RRAGD: variants seen among roughly 807,000 people sequenced by gnomAD.
RRAGD encodes the protein Ras related GTP binding D.
A neutral mutation model predicts 35.5 loss-of-function variants in RRAGD; 12 were observed. That is an observed-to-expected ratio of 0.34 (90% CI 0.22 to 0.55). The LOEUF is 0.55. Among genes scored for constraint, RRAGD ranks in the 20% least tolerant of loss-of-function variants. RRAGD has a pLI of 0.91. For missense variants in RRAGD, 324 were observed against 490.1 expected (o/e 0.66, Z 3.20); for synonymous variants, 155 against 178.9 (o/e 0.87, Z 1.07).
At chr6:89,385,634 G>T (rs1769126021) in intron 2 of RRAGD, among the ~76,000 whole-genome samples, 1 of 152,184 alleles carries the variant, frequency 6.6e-6, no homozygotes, top group African/African-American at 2.4e-5. Flanking sequence ...AGCAGGCCCT[G>T]GACGTGGTGC....
At chr6:89,401,383 G>A (rs1313217836) in intron 1 of RRAGD, among the ~76,000 whole-genome samples, 1 of 151,806 alleles carries the variant, frequency 6.6e-6, no homozygotes, top group Non-Finnish European at 1.5e-5. Flanking sequence ...TCAGTCTCCT[G>A]AGTAGCTAGG....
At chr6:89,409,217 A>G (rs932332502) in intron 1 of RRAGD, among the ~76,000 whole-genome samples, 7 of 152,236 alleles carry the variant, frequency 4.6e-5, no homozygotes, top group South Asian at 2.1e-4. Flanking sequence ...AAATTGCATT[A>G]CATATCCACC....
chr6:89,372,242 C>G (rs12201143), intron 6 of RRAGD, among the ~76,000 whole-genome samples, 195 bp downstream of exon 6: 4,052 of 152,314 alleles, frequency 0.027, 66 homozygotes, highest in Non-Finnish European at 0.04. Flanking sequence ...GAGGGCAGGC[C>G]AGTTCACTGG....
intron 6 of RRAGD, 53 bp from the exon 7 acceptor site, chr6:89,368,260 C>G: frequency 6.4e-7 from 1 of 1,556,696 alleles, no homozygotes; most frequent in Non-Finnish European, 8.7e-7. Flanking sequence ...TAATCTCCAT[C>G]TTTTCATGGG....
At chr6:89,401,252 C>A (rs1299833292) in intron 1 of RRAGD, among the ~76,000 whole-genome samples, 1 of 148,380 alleles carries the variant, frequency 6.7e-6, no homozygotes, top group Non-Finnish European at 1.5e-5. Flanking sequence ...CAGGGGCTTC[C>A]CCACAATATA....
chr6:89,380,209 G>A lies in RRAGD; in HGVS notation c.603C>T (p.Asn201=), dbSNP rs969033595. Residue 201 remains asparagine (N), a synonymous_variant, in exon 3 of 7, where the codon AAC becomes AAT. Transcript: ENST00000369415. The part of the protein sequence containing the change: ...ETQRDIHQRA[N]DDLADAGLEK... ...CTAATCCAGCATCTGCAAGGTCATC[G>A]TTTGCCCTCTGGTGAATATCTCTTT... The A allele has an allele frequency of 6.2e-6, 10 of 1,614,076 alleles. No homozygotes were observed. The highest frequency in any genetic ancestry group is 2.2e-5 in the South Asian group (2 of 91,088).
intron 6 of RRAGD, 71 bp downstream of exon 6, chr6:89,372,366 A>C: frequency 6.7e-7 from 1 of 1,491,586 alleles, no homozygotes; most frequent in Non-Finnish European, 9.0e-7. Flanking sequence ...ACCCACATTC[A>C]ACAAACAATA....
At chr6:89,379,203 A>G (rs969940568) in intron 4 of RRAGD, 21 bp downstream of exon 4, 5 of 1,247,166 alleles carry the variant, frequency 4.0e-6, no homozygotes, top group Non-Finnish European at 5.8e-6. Context: ...AGTGACTCAA[A>G]CAGGAATATT....
At chr6:89,368,904 A>G (rs954615770) in intron 6 of RRAGD, among the ~76,000 whole-genome samples, 1 of 152,220 alleles carries the variant, frequency 6.6e-6, no homozygotes, top group Non-Finnish European at 1.5e-5. Flanking sequence ...ATTTTTCATC[A>G]TTACTAGTAA....
chr6:89,387,264 G>A (rs968466610), intron 2 of RRAGD, 31 bp downstream of exon 2: 1 of 1,597,576 alleles, frequency 6.3e-7, no homozygotes, highest in Non-Finnish European at 8.6e-7. Context: ...GACCGGCCAG[G>A]CCATCATACC....
At chr6:89,395,626 A>G (rs1463710298) in intron 1 of RRAGD, among the ~76,000 whole-genome samples, 1 of 152,244 alleles carries the variant, frequency 6.6e-6, no homozygotes, top group African/African-American at 2.4e-5. Flanking sequence ...TTGTGATTTC[A>G]ACTCCACATT....
chr6:89,403,430 G>A, intron 1 of RRAGD, among the ~76,000 whole-genome samples: 1 of 151,434 alleles, frequency 6.6e-6, no homozygotes, highest in East Asian at 1.9e-4. Flanking sequence ...GGGCGACAGA[G>A]CAAGACTCTG....
chr6:89,392,100 G>A (rs907249066), intron 1 of RRAGD, among the ~76,000 whole-genome samples: 15 of 151,792 alleles, frequency 9.9e-5, no homozygotes, highest in African/African-American at 3.6e-4. Context: ...TTTTTAAAAG[G>A]TTTCATGAGT....
intron 2 of RRAGD, among the ~76,000 whole-genome samples, chr6:89,380,570 G>A (rs1434575920): frequency 6.6e-6 from 1 of 152,178 alleles, no homozygotes; most frequent in Non-Finnish European, 1.5e-5. Flanking sequence ...CTAAAAAAAT[G>A]CAGCTGATTT....
intron 6 of RRAGD, 115 bp downstream of exon 6, chr6:89,372,322 G>A: frequency 8.8e-7 from 1 of 1,137,758 alleles, no homozygotes; most frequent in East Asian, 2.8e-5. Flanking sequence ...CCTGTGACTG[G>A]CATCTGGAAG....
intron 1 of RRAGD, among the ~76,000 whole-genome samples, chr6:89,395,809 AAGAC>A (rs1769321490): frequency 6.6e-6 from 1 of 152,288 alleles, no homozygotes; most frequent in East Asian, 1.9e-4. Context: ...TGTTGGTGTA[AAGAC>A]AGACAAATAG....
chr6:89,380,432 C>A, intron 2 of RRAGD, 65 bp from the exon 3 acceptor site: 2 of 1,407,558 alleles, frequency 1.4e-6, no homozygotes, highest in Admixed American at 2.0e-5. Context: ...CACACACACT[C>A]TTCACCTGGA....
intron 2 of RRAGD, among the ~76,000 whole-genome samples, chr6:89,383,293 A>G (rs1341386875): frequency 6.6e-6 from 1 of 152,232 alleles, no homozygotes; most frequent in Non-Finnish European, 1.5e-5. Context: ...AGAGAGCATC[A>G]CATCTCCAAA....
rs113104738 is a variant in RRAGD at position 89,411,138 on chromosome 6, T to C, written c.148+708A>G. Among the ~76,000 whole-genome samples the C allele has an allele frequency of 2.5e-3, 386 of 152,348 alleles. 3 individuals carry two copies. The highest frequency in any genetic ancestry group is 9.0e-3 in the African/African-American group (375 of 41,580). On this transcript the variant is annotated intron_variant, in intron 1 of 6. Coordinates refer to ENST00000369415, the MANE Select transcript of RRAGD (RefSeq NM_021244.5). This position sits in a 1 kb window ranked among gnomAD's most constrained non-coding sequence, Gnocchi z 5.6. ...ACAGGAAAAAGAGTTTGCTTCACTA[T>C]TGAAGCAAAGAATTCCCCGCCGCGC...
Sources: allele counts gnomAD v4.1 joint callset (sites outside exome capture counted in the v4.1 genomes callset), GRCh38; gene constraint gnomAD v4.1.1; non-coding constraint Gnocchi (gnomAD v3.1); transcripts MANE v1.5; gene names NCBI Gene and HGNC (gene_info 2026-07-23, HGNC 2026-07-21).